The following PRR5L variants were observed in gnomAD, a reference collection of about 807,000 sequenced individuals.
PRR5L encodes proline-rich protein 5-like.
Under a neutral mutation model 36.4 loss-of-function variants are expected in PRR5L, and 21 were observed. The observed-to-expected ratio is 0.58, with a 90% CI of 0.41 to 0.83. PRR5L has a LOEUF of 0.83. PRR5L is among the 40% of genes least tolerant of loss of function. PRR5L has a pLI of 0.00. For synonymous variants in PRR5L, 188 were observed against 197.0 expected (o/e 0.95, Z 0.38); for missense variants, 381 against 473.3 (o/e 0.80, Z 1.81).
chr11:36,376,491 T>G, intron 1 of PRR5L: 1 of 1,068,400 alleles, frequency 9.4e-7, no homozygotes, highest in South Asian at 2.6e-5. Flanking sequence ...CGGGACCCCA[T>G]CTGAGGGCAG....
At chr11:36,417,487 G>A (rs1858170022) in intron 3 of PRR5L, among the ~76,000 whole-genome samples, 1 of 151,998 alleles carries the variant, frequency 6.6e-6, no homozygotes, top group Non-Finnish European at 1.5e-5. Context: ...CTTCCCTCTC[G>A]GATCAGACCT....
At chr11:36,392,217 T>A (rs897422138) in intron 1 of PRR5L, among the ~76,000 whole-genome samples, 2 of 152,216 alleles carry the variant, frequency 1.3e-5, no homozygotes, top group African/African-American at 2.4e-5. Context: ...CATTCGTCTG[T>A]TGATGGACAC....
rs16928829 is a variant in PRR5L, at chr11:36,432,281, G to A, written c.352+371G>A. ...TGCTATTTCCTCTGGTCTGTCCCGAGCTATTTCCTACAGGCCTTTGTAATA... is the reference window on the plus strand; with the variant it reads ...TGCTATTTCCTCTGGTCTGTCCCGAACTATTTCCTACAGGCCTTTGTAATA... On this transcript the variant is annotated intron_variant, in intron 5 of 8. Coordinates refer to ENST00000530639, the MANE Select transcript of PRR5L (RefSeq NM_001160167.2). Among the ~76,000 whole-genome samples the A allele has an allele frequency of 5.9e-3, 900 of 152,238 alleles. 26 individuals carry two copies. The highest frequency in any genetic ancestry group is 0.041 in the East Asian group (211 of 5,178).
chr11:36,307,035 T>G (rs1243838158), intron 1 of PRR5L, among the ~76,000 whole-genome samples: 3 of 152,108 alleles, frequency 2.0e-5, no homozygotes, highest in Non-Finnish European at 2.9e-5. Context: ...CCCTTCCCAT[T>G]GTGATGGTTT....
At chr11:36,305,460 T>A (rs1856420536) in intron 1 of PRR5L, among the ~76,000 whole-genome samples, 1 of 152,218 alleles carries the variant, frequency 6.6e-6, no homozygotes, top group Admixed American at 6.5e-5. Context: ...AAATTTGCTG[T>A]GGTGATGGTT....
chr11:36,325,301 A>G (rs953209699), intron 1 of PRR5L, among the ~76,000 whole-genome samples: 6 of 152,266 alleles, frequency 3.9e-5, no homozygotes, highest in African/African-American at 1.4e-4. Flanking sequence ...CTGGATCAGG[A>G]GCACAGCAGA....
At chr11:36,360,222 A>G (rs1004786683) in intron 1 of PRR5L, among the ~76,000 whole-genome samples, 1 of 152,210 alleles carries the variant, frequency 6.6e-6, no homozygotes, top group Non-Finnish European at 1.5e-5. Context: ...TCTCTGGACA[A>G]GTCTACCTAT....
chr11:36,336,529 CT>C (rs36024089), intron 1 of PRR5L, among the ~76,000 whole-genome samples: 54,933 of 104,148 alleles, frequency 0.53, 14,772 homozygotes, highest in East Asian at 0.86. Flanking sequence ...CGCGCCTGGC[CT>C]TTTTTTTTTT....
At chr11:36,338,291 C>T (rs1228673638) in intron 1 of PRR5L, among the ~76,000 whole-genome samples, 2 of 152,200 alleles carry the variant, frequency 1.3e-5, no homozygotes, top group African/African-American at 2.4e-5. Flanking sequence ...CCTTTGTTCA[C>T]AGTCTCTAAA....
At chr11:36,450,768 C>T (rs1293102357) in intron 7 of PRR5L, among the ~76,000 whole-genome samples, 3 of 152,206 alleles carry the variant, frequency 2.0e-5, no homozygotes, top group Non-Finnish European at 4.4e-5. Flanking sequence ...TTTAAGCTCT[C>T]TGGGTCTTTA....
In PRR5L at chr11:36,377,772, A is replaced by G. The variant is rs1054756809; in HGVS notation, c.-125-23225A>G. The G allele has an allele frequency of 6.6e-6, 1 of 152,228 alleles. No homozygotes were observed. The highest frequency in any genetic ancestry group is 2.4e-5 in the African/African-American group (1 of 41,460). The allele number at this position is 152,228 out of a possible 1,614,324, so 9.4% of individuals were successfully genotyped here. A position where few individuals can be genotyped will look rare whatever the true frequency, so the allele number is the denominator to read the frequency against. On this transcript the variant is annotated intron_variant, in intron 1 of 8. Coordinates refer to ENST00000530639, the MANE Select transcript of PRR5L (RefSeq NM_001160167.2). The surrounding 1 kb of genome is among the most constrained non-coding windows in gnomAD (Gnocchi z 5.1). Reference sequence around the variant, plus strand: ...GCAGTCCTGCGGTGCGCAAGGTTTCAATTACTGCGATGCGCCCCACAAGAC... The same window carrying G: ...GCAGTCCTGCGGTGCGCAAGGTTTCGATTACTGCGATGCGCCCCACAAGAC...
chr11:36,404,280 T>TTGTTTTTG (rs1564938231), intron 3 of PRR5L, among the ~76,000 whole-genome samples: 1 of 150,650 alleles, frequency 6.6e-6, no homozygotes, highest in African/African-American at 2.5e-5. Context: ...TTTTTTTTTT[T>TTGTTTTTG]TTTTTTTTTT....
At chr11:36,458,928 G>A (rs954161593) in intron 8 of PRR5L, among the ~76,000 whole-genome samples, 3 of 152,168 alleles carry the variant, frequency 2.0e-5, no homozygotes, top group Non-Finnish European at 2.9e-5. Flanking sequence ...GGGTCTTCAG[G>A]GTGTCAGAGA....
Position 36,401,289 on chromosome 11 carries a change from A to G in PRR5L, c.164+4A>G, listed in dbSNP as rs1364222242. Reference sequence around the variant, plus strand: ...GCTCCAGCTCAGCCTGGAACAGGTGAAGGAGGCTGCAGGATGTGGGGTGGA... The same window carrying G: ...GCTCCAGCTCAGCCTGGAACAGGTGGAGGAGGCTGCAGGATGTGGGGTGGA... On this transcript the variant is annotated splice_donor_region_variant and intron_variant, in intron 2 of 8. Coordinates refer to ENST00000530639, the MANE Select transcript of PRR5L (RefSeq NM_001160167.2). 6.2e-7 allele frequency: 1 copy of G among 1,609,476 alleles called. No individual in the cohort carries two copies. The highest frequency in any genetic ancestry group is 8.5e-7 in the Non-Finnish European group (1 of 1,179,822).
At chr11:36,365,560 A>G (rs905605369) in intron 1 of PRR5L, among the ~76,000 whole-genome samples, 7 of 152,204 alleles carry the variant, frequency 4.6e-5, no homozygotes, top group Non-Finnish European at 8.8e-5. Context: ...TGCATTTTAC[A>G]GTATTGCATG....
chr11:36,328,997 C>T (rs72950012), intron 1 of PRR5L: 56 of 152,242 alleles, frequency 3.7e-4, no homozygotes, highest in African/African-American at 1.3e-3. Flanking sequence ...GGGAGTTAGG[C>T]CTTTATGTGC....
At chr11:36,370,363 A>G (rs1857185338) in intron 1 of PRR5L, among the ~76,000 whole-genome samples, 2 of 151,228 alleles carry the variant, frequency 1.3e-5, no homozygotes, top group South Asian at 4.2e-4. Flanking sequence ...TTTTCCAGTC[A>G]CTCTAGTTTG....
rs1433040889 is a variant in PRR5L at position 36,386,407 on chromosome 11, G to C, written c.-125-14590G>C. On this transcript the variant is annotated intron_variant, in intron 1 of 8. Transcript: ENST00000530639. ...ACCAGGATACAATAGTGAACAAGAC[G>C]GGCAAGATTTTTGCCTTTAAGGAGC... 3 of 152,196 alleles carry C rather than the reference G, an allele frequency of 2.0e-5. No individual in the cohort carries two copies. The South Asian group carries it at 6.2e-4, about 32-fold the overall frequency. 9.4% of individuals were successfully genotyped at this position (152,196 alleles called of 1,614,324 possible). A position where few individuals can be genotyped will look rare whatever the true frequency, so the allele number is the denominator to read the frequency against.
intron 6 of PRR5L, among the ~76,000 whole-genome samples, chr11:36,445,698 G>T (rs510428): frequency 0.88 from 133,529 of 152,222 alleles, 58,672 homozygotes; most frequent in East Asian, 0.98. Flanking sequence ...GGATTACACA[G>T]GTTGACATCT....
Sources: gnomAD v4.1 joint callset for allele counts (sites outside exome capture counted in the v4.1 genomes callset) on GRCh38, gnomAD v4.1.1 for gene constraint, Gnocchi (gnomAD v3.1) non-coding constraint, MANE v1.5 for transcripts, NCBI Gene and HGNC (gene_info 2026-07-23, HGNC 2026-07-21) for gene names.